The following PCYT1B variants were observed in gnomAD, a reference collection of about 807,000 sequenced individuals.
The protein encoded by PCYT1B is choline-phosphate cytidylyltransferase B.
A neutral mutation model predicts 26.4 loss-of-function variants in PCYT1B; 10 were observed. The observed-to-expected ratio is 0.38, with a 90% CI of 0.23 to 0.64. The LOEUF is 0.64. Ranked by LOEUF, PCYT1B falls within the 30% of genes least tolerant of loss-of-function variation. The pLI is 0.56. For missense variants in PCYT1B, 161 were observed against 292.7 expected, an observed-to-expected ratio of 0.55 and a Z score of 3.28; for synonymous variants, 131 against 108.4, an observed-to-expected ratio of 1.21 and a Z score of -1.29.
At chrX:24,662,951 C>T (rs1212421615) in intron 1 of PCYT1B, among the ~76,000 whole-genome samples, 1 of 111,922 alleles carries the variant, frequency 8.9e-6, no homozygotes, top group Non-Finnish European at 1.9e-5. Flanking sequence ...GTCATTCAGA[C>T]CTTGCCTTGT....
chrX:24,559,381 GAGAA>G lies in PCYT1B; in HGVS notation c.*2908_*2911del, dbSNP rs1361806726. The G allele has an allele frequency of 4.5e-5, 4 of 89,299 alleles. No homozygotes were observed. The highest frequency in any genetic ancestry group is 3.4e-4 in the East Asian group (1 of 2,934). The allele number at this position is 89,299 out of a possible 1,213,427, so 7.4% of individuals were successfully genotyped here. A position where few individuals can be genotyped will look rare whatever the true frequency, so the allele number is the denominator to read the frequency against. ...AAGAATGAAAGAAAGAAGGAAGAAAGAGAAAGAAAAAGAAAGAAAGAAAAAGAGG... is the reference window on the plus strand; with the variant it reads ...AAGAATGAAAGAAAGAAGGAAGAAAGAGAAAAAGAAAGAAAGAAAAAGAGG... On this transcript the variant is annotated 3_prime_UTR_variant, in exon 8 of 8. Transcript: ENST00000379144.
intron 2 of PCYT1B, among the ~76,000 whole-genome samples, chrX:24,617,351 C>G (rs1602183420): frequency 2.1e-5 from 2 of 93,261 alleles, no homozygotes; most frequent in Admixed American, 1.2e-4. Context: ...TCCATGGATT[C>G]TCTTAAGTTT....
rs113479559 is a variant in PCYT1B, at chrX:24,573,950, C to T, written c.897+1180G>A. On this transcript the variant is annotated intron_variant, in intron 7 of 7. Transcript: ENST00000379144. ...GGACATGGTTGGCCTATAACACCCA[C>T]GTCTATAATCACTTAGAGGCTGCCA... is the stretch of plus-strand genomic sequence containing the variant. Among the ~76,000 whole-genome samples the T allele has an allele frequency of 3.2e-3, 353 of 111,224 alleles. 1 individual carries two copies. The highest frequency in any genetic ancestry group is 0.011 in the African/African-American group (332 of 30,637).
At position 24,560,756 on chromosome X, in the gene PCYT1B, G is replaced by C. The variant is rs1383345440; in HGVS notation, c.*1537C>G. On this transcript the variant is annotated 3_prime_UTR_variant, in exon 8 of 8. Transcript: ENST00000379144. ...GAAAAGGGGTATTTCTATCACAAGA[G>C]ATTCTGGGCTCTGCCTACAAGTTGC... The C allele has an allele frequency of 8.9e-6, 1 of 112,205 alleles. No individual in the cohort carries two copies. Among genetic ancestry groups the C allele is most frequent in the South Asian group, 3.8e-4 (1 of 2,659 alleles). The allele number at this position is 112,205 out of a possible 1,213,427, so 9.2% of individuals were successfully genotyped here. A position where few individuals can be genotyped will look rare whatever the true frequency, so the allele number is the denominator to read the frequency against.
chrX:24,590,004 G>A lies in PCYT1B; in HGVS notation c.486+19C>T. The A allele has an allele frequency of 8.5e-7, 1 of 1,177,887 alleles. No individual in the cohort carries two copies. Among genetic ancestry groups the A allele is most frequent in the Non-Finnish European group, 1.1e-6 (1 of 870,476 alleles). ...TCCCTAATCTTGCTACTTAGAGAAT[G>A]TGGGAGAATGAGAAGTACCTTGTGT... On this transcript the variant is annotated intron_variant, in intron 4 of 7. Transcript: ENST00000379144.
At chrX:24,606,967 G>T (rs1366036372) in intron 3 of PCYT1B, among the ~76,000 whole-genome samples, 1 of 112,071 alleles carries the variant, frequency 8.9e-6, no homozygotes, top group African/African-American at 3.2e-5. Flanking sequence ...TTTTCCCCCA[G>T]TAGAGGTGTA....
intron 3 of PCYT1B, among the ~76,000 whole-genome samples, chrX:24,592,021 C>G (rs191758069): frequency 6.3e-5 from 7 of 111,269 alleles, no homozygotes; most frequent in Non-Finnish European, 3.8e-5. Context: ...TAACTTGGTA[C>G]TCGTTGATGA....
At chrX:24,669,501 GAAAAAAAAAAAAAAA>G (rs60562762) in intron 1 of PCYT1B, among the ~76,000 whole-genome samples, 2 of 31,549 alleles carry the variant, frequency 6.3e-5, no homozygotes, top group Non-Finnish European at 1.0e-4. Context: ...CTTCGTCTCA[GAAAAAAAAAAAAAAA>G]AAAAAAAAAA....
chrX:24,579,161 T>C (rs1448806503), intron 6 of PCYT1B, among the ~76,000 whole-genome samples, 155 bp downstream of exon 6: 3 of 88,306 alleles, frequency 3.4e-5, no homozygotes, highest in Non-Finnish European at 6.7e-5. Flanking sequence ...TAAAATATTA[T>C]ACACAGTGAG....
intron 1 of PCYT1B, among the ~76,000 whole-genome samples, chrX:24,671,684 G>A (rs1927259992): frequency 9.0e-6 from 1 of 111,203 alleles, no homozygotes; most frequent in Non-Finnish European, 1.9e-5. Flanking sequence ...CAGCTTCACC[G>A]TTAAGCAGAG....
At chrX:24,657,283 G>A (rs764725485) in intron 1 of PCYT1B, among the ~76,000 whole-genome samples, 1 of 111,522 alleles carries the variant, frequency 9.0e-6, no homozygotes, top group Non-Finnish European at 1.9e-5. Flanking sequence ...TTCTTTATGG[G>A]GTTTGAGTCC....
At chrX:24,627,334 T>C (rs774593467) in intron 1 of PCYT1B, among the ~76,000 whole-genome samples, 3 of 111,636 alleles carry the variant, frequency 2.7e-5, no homozygotes, top group Non-Finnish European at 3.8e-5. Flanking sequence ...TCAGAGCGTT[T>C]CGTTTTGTTT....
intron 1 of PCYT1B, among the ~76,000 whole-genome samples, chrX:24,646,245 G>C (rs1191109552): frequency 9.0e-6 from 1 of 111,223 alleles, no homozygotes; most frequent in African/African-American, 3.3e-5. Flanking sequence ...CAGGGATAGA[G>C]AGACGACCAA....
chrX:24,591,388 T>A (rs1448499735), intron 3 of PCYT1B, among the ~76,000 whole-genome samples: 1 of 109,839 alleles, frequency 9.1e-6, no homozygotes, highest in Non-Finnish European at 1.9e-5. Context: ...TGCAATGAAA[T>A]TTTTTTTTCT....
rs1555958090 is a variant in PCYT1B at position 24,593,441 on chromosome X, C to CT, written c.335-3268dup. ...CTCTCTTTCTTTCTTTCCTTTCTTT[C>CT]TTTCTTTTCTTTTCTTTTCTTTTCT... is the stretch of plus-strand genomic sequence containing the variant. On this transcript the variant is annotated intron_variant, in intron 3 of 7. Transcript: ENST00000379144. Among the ~76,000 whole-genome samples the CT allele has an allele frequency of 8.9e-3, 503 of 56,697 alleles. 10 individuals carry two copies. The highest frequency in any genetic ancestry group is 0.011 in the Non-Finnish European group (357 of 32,381). 49.2% of individuals were successfully genotyped at this position (56,697 alleles called of 115,157 possible). A position where few individuals can be genotyped will look rare whatever the true frequency, so the allele number is the denominator to read the frequency against.
intron 2 of PCYT1B, among the ~76,000 whole-genome samples, chrX:24,610,083 C>T (rs1013503444): frequency 1.8e-5 from 2 of 109,450 alleles, no homozygotes; most frequent in East Asian, 2.8e-4. Flanking sequence ...AGAGATAGAC[C>T]GTGTCTCAAA....
intron 1 of PCYT1B, among the ~76,000 whole-genome samples, chrX:24,667,541 A>C (rs1221265788): frequency 9.1e-6 from 1 of 110,462 alleles, no homozygotes; most frequent in Non-Finnish European, 1.9e-5. Context: ...ACATGGTGAA[A>C]TCCCGTCTCT....
chrX:24,581,727 G>C (rs1253945781), intron 5 of PCYT1B, among the ~76,000 whole-genome samples: 2 of 112,273 alleles, frequency 1.8e-5, no homozygotes, highest in African/African-American at 6.5e-5. Flanking sequence ...TGACAAACAG[G>C]CACCATAGGA....
chrX:24,608,165 C>G (rs753572379), intron 2 of PCYT1B, among the ~76,000 whole-genome samples: 40 of 111,112 alleles, frequency 3.6e-4, no homozygotes, highest in African/African-American at 1.3e-3. Context: ...CAGAGTCAGC[C>G]CAGCTGGAAC....
Sources: allele counts gnomAD v4.1 joint callset (sites outside exome capture counted in the v4.1 genomes callset), GRCh38; gene constraint gnomAD v4.1.1; transcripts MANE v1.5; gene names NCBI Gene and HGNC (gene_info 2026-07-23, HGNC 2026-07-21).